The following MTMR7 variants were observed in gnomAD, a reference collection of about 807,000 sequenced individuals.
MTMR7 encodes the protein phosphatidylinositol-3-phosphate phosphatase MTMR7.
A neutral mutation model predicts 81.2 loss-of-function variants in MTMR7; 76 were observed. The observed-to-expected ratio is 0.94, with a 90% CI of 0.78 to 1.13. The LOEUF (loss-of-function observed/expected upper bound fraction) is 1.13, where lower values mean the gene tolerates loss of function less well. Ranked by LOEUF, MTMR7 falls within the 50% of genes most tolerant of loss-of-function variation. MTMR7 has a pLI of 0.00. For missense variants in MTMR7, 1,044 were observed against 820.0 expected, an observed-to-expected ratio of 1.27 and a Z score of -3.34; for synonymous variants, 372 against 289.8, an observed-to-expected ratio of 1.28 and a Z score of -2.88.
At chr8:17,390,073 T>TAAA (rs71215250) in intron 1 of MTMR7, among the ~76,000 whole-genome samples, 5 of 131,850 alleles carry the variant, frequency 3.8e-5, no homozygotes, top group African/African-American at 7.9e-5. Flanking sequence ...GGGAATATGT[T>TAAA]AAAAAAAAAA....
chr8:17,302,472 T>G (rs979492119), intron 12 of MTMR7, 192 bp from the exon 13 acceptor site: 69 of 527,952 alleles, frequency 1.3e-4, no homozygotes, highest in Non-Finnish European at 1.9e-4. Flanking sequence ...TAAATGCCTT[T>G]TGGGGAGAAT....
At chr8:17,388,042 C>T (rs1213490424) in intron 1 of MTMR7, among the ~76,000 whole-genome samples, 1 of 152,146 alleles carries the variant, frequency 6.6e-6, no homozygotes, top group Non-Finnish European at 1.5e-5. Flanking sequence ...GATAGAAATT[C>T]TTAGAAAAGG....
At chr8:17,312,550 G>C (rs1245121408) in intron 8 of MTMR7, among the ~76,000 whole-genome samples, 3 of 136,634 alleles carry the variant, frequency 2.2e-5, no homozygotes, top group Admixed American at 8.5e-5. Flanking sequence ...ACTCCAGCCT[G>C]GGTGACAGAG....
chr8:17,408,344 G>C (rs1028516155), intron 1 of MTMR7, among the ~76,000 whole-genome samples: 3 of 55,438 alleles, frequency 5.4e-5, no homozygotes, highest in Admixed American at 7.8e-4. Flanking sequence ...AGCCGAGATT[G>C]CGCCACTGCA....
At chr8:17,405,934 A>G (rs1461954761) in intron 1 of MTMR7, among the ~76,000 whole-genome samples, 1 of 152,164 alleles carries the variant, frequency 6.6e-6, no homozygotes, top group East Asian at 1.9e-4. Flanking sequence ...ATATATGTAA[A>G]GAAAAATGTT....
intron 13 of MTMR7, among the ~76,000 whole-genome samples, chr8:17,300,716 T>G (rs574114933): frequency 6.6e-6 from 1 of 152,360 alleles, no homozygotes; most frequent in South Asian, 2.1e-4. Flanking sequence ...TATAAAACAC[T>G]GTCATCACCT....
At chr8:17,395,389 A>C (rs1419003519) in intron 1 of MTMR7, among the ~76,000 whole-genome samples, 6 of 152,158 alleles carry the variant, frequency 3.9e-5, no homozygotes, top group East Asian at 1.9e-4. Flanking sequence ...TGGGCATACC[A>C]GTATCTGTTT....
At chr8:17,340,573 T>G (rs1352286408) in intron 6 of MTMR7, among the ~76,000 whole-genome samples, 1 of 152,222 alleles carries the variant, frequency 6.6e-6, no homozygotes, top group East Asian at 1.9e-4. Context: ...AACTGGAATT[T>G]TATTGGACTT....
At chr8:17,387,724 G>A (rs1232930981) in intron 1 of MTMR7, among the ~76,000 whole-genome samples, 3 of 152,000 alleles carry the variant, frequency 2.0e-5, no homozygotes, top group East Asian at 1.9e-4. Flanking sequence ...ATTCCTATAC[G>A]TAAAATTATA....
chr8:17,336,672 G>A (rs995711241), intron 6 of MTMR7, among the ~76,000 whole-genome samples: 2 of 152,208 alleles, frequency 1.3e-5, no homozygotes, highest in African/African-American at 2.4e-5. Flanking sequence ...CTCTGGAGAA[G>A]GAGCAAGGAC....
chr8:17,361,395 C>T, intron 3 of MTMR7, 121 bp from the exon 4 acceptor site: 1 of 1,040,878 alleles, frequency 9.6e-7, no homozygotes, highest in Non-Finnish European at 1.4e-6. Context: ...CCACCCCCAG[C>T]ACACTCTTGG....
intron 1 of MTMR7, among the ~76,000 whole-genome samples, chr8:17,398,154 A>C (rs865802330): frequency 1.3e-5 from 2 of 152,174 alleles, no homozygotes; most frequent in South Asian, 4.1e-4. Flanking sequence ...ACAAACATCC[A>C]CAAGCATCAA....
At chr8:17,389,527 T>A (rs372284003) in intron 1 of MTMR7, among the ~76,000 whole-genome samples, 1 of 152,220 alleles carries the variant, frequency 6.6e-6, no homozygotes, top group African/African-American at 2.4e-5. Flanking sequence ...TTGGCACTAA[T>A]GTTTTTGCCT....
chr8:17,322,950 C>CTTTTTTTTTTTTTTTTTTTT (rs58584179), intron 7 of MTMR7, among the ~76,000 whole-genome samples: 1 of 125,776 alleles, frequency 8.0e-6, no homozygotes. Flanking sequence ...ATTGAATTAT[C>CTTTTTTTTTTTTTTTTTTTT]TTTTTTTTTT....
chr8:17,311,325 A>C (rs1442046819), intron 9 of MTMR7, among the ~76,000 whole-genome samples, 186 bp downstream of exon 9: 1 of 152,188 alleles, frequency 6.6e-6, no homozygotes. Flanking sequence ...TCATCTCTTT[A>C]TTCCAAGCCT....
chr8:17,395,896 G>T, intron 1 of MTMR7, among the ~76,000 whole-genome samples: 1 of 152,056 alleles, frequency 6.6e-6, no homozygotes, highest in East Asian at 1.9e-4. Context: ...CATTACAAAG[G>T]AGCCATCCAG....
intron 6 of MTMR7, among the ~76,000 whole-genome samples, chr8:17,334,234 T>C (rs1279665313): frequency 6.6e-6 from 1 of 152,206 alleles, no homozygotes; most frequent in Non-Finnish European, 1.5e-5. Flanking sequence ...TAGCAAAAGC[T>C]GAACCCTCAA....
At chr8:17,412,761 T>C (rs1286697579) in intron 1 of MTMR7, among the ~76,000 whole-genome samples, 1 of 152,166 alleles carries the variant, frequency 6.6e-6, no homozygotes, top group Non-Finnish European at 1.5e-5. Flanking sequence ...TTGCAGCTGC[T>C]ACGCTCAGGA....
At chr8:17,399,618 A>C (rs558521219) in intron 1 of MTMR7, among the ~76,000 whole-genome samples, 1 of 152,206 alleles carries the variant, frequency 6.6e-6, no homozygotes, top group African/African-American at 2.4e-5. Flanking sequence ...TGACAGAAAT[A>C]GAAAAAATCC....
Sources: gnomAD v4.1 joint callset for allele counts (sites outside exome capture counted in the v4.1 genomes callset) on GRCh38, gnomAD v4.1.1 for gene constraint, MANE v1.5 for transcripts, NCBI Gene and HGNC (gene_info 2026-07-23, HGNC 2026-07-21) for gene names.